LAPTM4B: variants seen among roughly 807,000 people sequenced by gnomAD.
LAPTM4B encodes lysosomal protein transmembrane 4 beta, also known as lysosomal-associated transmembrane protein 4B.
In LAPTM4B, 26 loss-of-function variants were observed where a neutral mutation model predicts 28.5. That is an observed-to-expected ratio of 0.91 (90% CI 0.67 to 1.27). LAPTM4B has a LOEUF of 1.27. Among genes scored for constraint, LAPTM4B ranks in the 50% most tolerant of loss-of-function variants. LAPTM4B has a pLI of 0.00. For synonymous variants in LAPTM4B, 109 were observed against 106.4 expected (o/e 1.02, Z -0.15); for missense variants, 288 against 285.8 (o/e 1.01, Z -0.06).
chr8:97,816,127 G>A lies in LAPTM4B; in HGVS notation c.355G>A (p.Ala119Thr), dbSNP rs969495764. ...TGACTTTGCCCTGAACATGTTGGTTGCAATCACTGTGCTTATTTATCCAAA... is the reference window on the plus strand; with the variant it reads ...TGACTTTGCCCTGAACATGTTGGTTACAATCACTGTGCTTATTTATCCAAA... ...IFDFALNMLV[A>T]ITVLIYPNSI... Residue 119 changes from alanine to threonine, a missense_variant, in exon 4 of 7, where the codon GCA (alanine) becomes ACA (threonine). Transcript: ENST00000521545. 1.9e-6 allele frequency: 3 copies of A among 1,613,806 alleles called. No individual in the cohort carries two copies. The highest frequency in any genetic ancestry group is 2.5e-6 in the Non-Finnish European group (3 of 1,179,798).
chr8:97,815,435 C>T, intron 3 of LAPTM4B, 34 bp downstream of exon 3: 1 of 1,413,574 alleles, frequency 7.1e-7, no homozygotes, highest in Non-Finnish European at 1.0e-6. Flanking sequence ...TGGCCTTTTC[C>T]TTGGTCTCTT....
chr8:97,791,390 G>A (rs1054387945), intron 1 of LAPTM4B, among the ~76,000 whole-genome samples: 10 of 152,136 alleles, frequency 6.6e-5, no homozygotes, highest in African/African-American at 2.4e-4. Flanking sequence ...CTCTTCTGGG[G>A]GCCATCCTTT....
chr8:97,778,259 TATAA>T (rs750643793), intron 1 of LAPTM4B, among the ~76,000 whole-genome samples: 1 of 152,234 alleles, frequency 6.6e-6, no homozygotes, highest in Non-Finnish European at 1.5e-5. Flanking sequence ...TGGTAATCTT[TATAA>T]ATAGTCTTTT....
At chr8:97,841,984 C>T (rs1432527116) in intron 6 of LAPTM4B, among the ~76,000 whole-genome samples, 1 of 152,180 alleles carries the variant, frequency 6.6e-6, no homozygotes, top group African/African-American at 2.4e-5. Context: ...ACTTTCTCAT[C>T]TGACATCACA....
intron 6 of LAPTM4B, among the ~76,000 whole-genome samples, chr8:97,827,315 T>C (rs1005366196): frequency 2.0e-5 from 3 of 152,216 alleles, no homozygotes; most frequent in Non-Finnish European, 2.9e-5. Flanking sequence ...TCCAGCCTCG[T>C]ACCCTGAGGG....
chr8:97,828,608 C>T lies in LAPTM4B; in HGVS notation c.603+3455C>T, dbSNP rs1165968917. ...TCGTATACAAGGCCTGATTGATTTA[C>T]GTAAAAGCAGCATTCTTCATTTAAG... On this transcript the variant is annotated intron_variant, in intron 6 of 6. Transcript: ENST00000521545. Among the ~76,000 whole-genome samples, 5 of 152,114 alleles carry T rather than the reference C, an allele frequency of 3.3e-5. No individual in the cohort carries two copies. The East Asian group carries it at 5.8e-4, about 18-fold the overall frequency.
intron 1 of LAPTM4B, among the ~76,000 whole-genome samples, chr8:97,779,976 A>T (rs1816283541): frequency 6.7e-6 from 1 of 148,660 alleles, no homozygotes; most frequent in Admixed American, 6.8e-5. Context: ...CCTTGAACCC[A>T]GGTGGCAGAG....
At chr8:97,842,512 T>C (rs1013311858) in intron 6 of LAPTM4B, among the ~76,000 whole-genome samples, 84 of 151,916 alleles carry the variant, frequency 5.5e-4, no homozygotes, top group African/African-American at 2.0e-3. Context: ...TTTGTTTTTT[T>C]GTTGTTGTTT....
At chr8:97,848,850 T>G (rs1042704767) in intron 6 of LAPTM4B, among the ~76,000 whole-genome samples, 3 of 152,232 alleles carry the variant, frequency 2.0e-5, no homozygotes, top group Non-Finnish European at 4.4e-5. Flanking sequence ...CACACACGTA[T>G]GTGCGCTGGG....
Position 97,835,025 on chromosome 8 carries a change from T to C in LAPTM4B, c.603+9872T>C, listed in dbSNP as rs190114351. ...AGTTACTGAAGCCTCCCTCTGAGAC[T>C]CTAATGGGGGTTGGAATGATCTAGA... On this transcript the variant is annotated intron_variant, in intron 6 of 6. Transcript: ENST00000521545. Among the ~76,000 whole-genome samples, 4 of 152,326 alleles carry C rather than the reference T, an allele frequency of 2.6e-5. No individual in the cohort carries two copies. In the East Asian group the frequency reaches 7.7e-4, roughly 29 times the overall value.
chr8:97,801,043 G>T (rs1361802517), intron 1 of LAPTM4B, among the ~76,000 whole-genome samples: 1 of 151,990 alleles, frequency 6.6e-6, no homozygotes, highest in Non-Finnish European at 1.5e-5. Context: ...TCTCTGACCA[G>T]CTCCTTACCT....
intron 2 of LAPTM4B, among the ~76,000 whole-genome samples, chr8:97,807,500 A>G (rs1245976010): frequency 5.3e-5 from 8 of 152,240 alleles, no homozygotes; most frequent in Non-Finnish European, 8.8e-5. Flanking sequence ...GGAAGTGCTC[A>G]GTACCTTTTG....
At chr8:97,849,443 C>T in intron 6 of LAPTM4B, among the ~76,000 whole-genome samples, 1 of 152,204 alleles carries the variant, frequency 6.6e-6, no homozygotes, top group Non-Finnish European at 1.5e-5. Flanking sequence ...GCTTCCTTAC[C>T]TCAGGCATGT....
At chr8:97,778,066 A>G (rs370802327) in intron 1 of LAPTM4B, among the ~76,000 whole-genome samples, 2 of 152,206 alleles carry the variant, frequency 1.3e-5, no homozygotes. Flanking sequence ...ATAAAAGGAG[A>G]GTACTCAGCA....
intron 1 of LAPTM4B, among the ~76,000 whole-genome samples, chr8:97,776,699 CG>C (rs1351453534): frequency 6.6e-6 from 1 of 151,862 alleles, no homozygotes; most frequent in Non-Finnish European, 1.5e-5. Flanking sequence ...GTCCCCCCCC[CG>C]ATGTTTTAAA....
At chr8:97,836,964 A>G (rs1177878808) in intron 6 of LAPTM4B, among the ~76,000 whole-genome samples, 2 of 151,962 alleles carry the variant, frequency 1.3e-5, no homozygotes, top group African/African-American at 2.4e-5. Context: ...TATATAACAT[A>G]TAAGGTGAGT....
At chr8:97,799,795 C>T (rs1816643499) in intron 1 of LAPTM4B, among the ~76,000 whole-genome samples, 1 of 152,128 alleles carries the variant, frequency 6.6e-6, no homozygotes, top group East Asian at 1.9e-4. Context: ...TGGCCCCATC[C>T]TACATTTTTG....
chr8:97,846,198 T>C (rs1424848808), intron 6 of LAPTM4B, among the ~76,000 whole-genome samples: 2 of 151,950 alleles, frequency 1.3e-5, no homozygotes, highest in African/African-American at 4.8e-5. Flanking sequence ...TATGAATGTC[T>C]GAAGACCCTT....
intron 1 of LAPTM4B, among the ~76,000 whole-genome samples, chr8:97,780,737 G>C (rs1816295101): frequency 6.6e-6 from 1 of 152,186 alleles, no homozygotes; most frequent in Admixed American, 6.5e-5. Context: ...TATGATCTGA[G>C]TGATGTTTTA....
Sources: allele counts gnomAD v4.1 joint callset (sites outside exome capture counted in the v4.1 genomes callset), GRCh38; gene constraint gnomAD v4.1.1; transcripts MANE v1.5; gene names NCBI Gene and HGNC (gene_info 2026-07-23, HGNC 2026-07-21).